Variants in SKOR2 observed in about 807,000 individuals in gnomAD.
SKOR2 encodes LBX1 corepressor 1-like protein.
In SKOR2, 47 loss-of-function variants were observed where a neutral mutation model predicts 69.1. That is an observed-to-expected ratio of 0.68 (90% confidence interval 0.54 to 0.87). SKOR2 has a LOEUF of 0.87. SKOR2 is among the 40% of genes least tolerant of loss of function. The probability of loss-of-function intolerance (pLI) is 0.00; values close to 1 mark genes in which losing one functional copy is unlikely to be tolerated. For synonymous variants in SKOR2, 717 were observed against 672.6 expected, an observed-to-expected ratio of 1.07 and a Z score of -1.02; for missense variants, 1,404 against 1,472.2, an observed-to-expected ratio of 0.95 and a Z score of 0.76.
intron 7 of SKOR2, among the ~76,000 whole-genome samples, chr18:47,215,867 C>T (rs2064142432): frequency 6.6e-6 from 1 of 152,108 alleles, no homozygotes; most frequent in Non-Finnish European, 1.5e-5. Flanking sequence ...CAACGTTCTC[C>T]AAGAACTATG....
intron 4 of SKOR2, among the ~76,000 whole-genome samples, chr18:47,234,267 G>T (rs2064211679): frequency 6.6e-6 from 1 of 151,576 alleles, no homozygotes; most frequent in Non-Finnish European, 1.5e-5. Context: ...AAAAAAAAAG[G>T]CAGTCTAATA....
chr18:47,232,431 T>A (rs568168254), intron 4 of SKOR2, among the ~76,000 whole-genome samples: 2 of 152,198 alleles, frequency 1.3e-5, no homozygotes, highest in Non-Finnish European at 2.9e-5. Context: ...CAATCAGAAT[T>A]TTTAAAAAAT....
In SKOR2 at chr18:47,247,438, A is replaced by G. The variant is rs994384374; in HGVS notation, c.1746T>C (p.Ala582=). The change falls in exon 2 of 9, where the codon GCT becomes GCC. Residue 582 remains alanine, a synonymous_variant. Transcript: ENST00000425639. The surrounding 1 kb of genome is among the most constrained non-coding windows in gnomAD (Gnocchi z 6.6). ...GSTPPADSVA[A]AGAGAAAAGS... ...CGGCGGCCGCGGCCCCTGCCCCGGC[A>G]GCTGCCACAGAGTCCGCGGGCGGCG... 28 of 1,273,108 alleles carry G rather than the reference A, an allele frequency of 2.2e-5. No homozygotes were observed. Among genetic ancestry groups the G allele is most frequent in the East Asian group, 6.4e-5 (2 of 31,128 alleles). The allele number at this position is 1,273,108 out of a possible 1,614,324, so 78.9% of individuals were successfully genotyped here. A position where few individuals can be genotyped will look rare whatever the true frequency, so the allele number is the denominator to read the frequency against.
intron 4 of SKOR2, among the ~76,000 whole-genome samples, chr18:47,237,673 C>T (rs958408966): frequency 6.6e-6 from 1 of 151,386 alleles, no homozygotes; most frequent in African/African-American, 2.4e-5. Context: ...CATTCTTTCT[C>T]CTCCCCACCA....
chr18:47,215,343 G>C (rs559619386), intron 7 of SKOR2, among the ~76,000 whole-genome samples: 8 of 152,036 alleles, frequency 5.3e-5, no homozygotes, highest in Non-Finnish European at 1.2e-4. Context: ...ATGCAAAATA[G>C]TAATGGTCCT....
chr18:47,226,137 G>C (rs1266964237), intron 6 of SKOR2, among the ~76,000 whole-genome samples: 1 of 151,990 alleles, frequency 6.6e-6, no homozygotes, highest in African/African-American at 2.4e-5. Flanking sequence ...GTTTTAAGAT[G>C]GCTAATGGGA....
chr18:47,249,149 A>G lies in SKOR2; in HGVS notation c.35T>C (p.Ile12Thr). ...GGCGCTCGACGGCGACGCCAGCAGG[A>G]TGTCGTTGGGCCCTGGCAGCGGACT... ...ASSPLPGPND[I>T]LLASPSSAFQ... Residue 12 changes from isoleucine (I) to threonine (T), a missense_variant, in exon 2 of 9, where the codon ATC becomes ACC. By Grantham distance (89) the Ile-to-Thr change is moderately conservative (BLOSUM62 -1). Transcript: ENST00000425639. 2 of 1,535,564 alleles carry G rather than the reference A, an allele frequency of 1.3e-6. No homozygotes were observed. Among genetic ancestry groups the G allele is most frequent in the Non-Finnish European group, 1.7e-6 (2 of 1,146,622 alleles).
chr18:47,247,636 T>C lies in SKOR2; in HGVS notation c.1548A>G (p.Pro516=). The C allele has an allele frequency of 8.9e-6, 12 of 1,345,340 alleles. No individual in the cohort carries two copies. The highest frequency in any genetic ancestry group is 1.1e-5 in the Non-Finnish European group (12 of 1,051,042). 83.3% of individuals were successfully genotyped at this position (1,345,340 alleles called of 1,614,324 possible). Residue 516 remains proline (P), a synonymous_variant, in exon 2 of 9, where the codon CCA becomes CCG. Transcript: ENST00000425639. This position sits in a 1 kb window ranked among gnomAD's most constrained non-coding sequence, Gnocchi z 6.6. ...LRQAFLDLAE[P]GGAAGSAEAA... ...CCTCGGCGCTCCCAGCAGCACCGCC[T>C]GGCTCAGCCAGGTCCAGGAAGGCCT... is the stretch of plus-strand genomic sequence containing the variant.
chr18:47,208,536 A>G (rs958969356), intron 8 of SKOR2, among the ~76,000 whole-genome samples: 17 of 152,216 alleles, frequency 1.1e-4, no homozygotes, highest in Admixed American at 9.8e-4. Flanking sequence ...TACATCAATG[A>G]TAACTGCAAA....
In SKOR2 at chr18:47,247,119, C is replaced by G. The variant is rs900798468; in HGVS notation, c.2065G>C (p.Glu689Gln). The G allele has an allele frequency of 8.1e-7, 1 of 1,227,340 alleles. No individual in the cohort carries two copies. The highest frequency in any genetic ancestry group is 1.0e-6 in the Non-Finnish European group (1 of 991,494). 76.0% of individuals were successfully genotyped at this position (1,227,340 alleles called of 1,614,324 possible). The part of the protein sequence containing the change: ...LPPQPDEPGS[E>Q]RHHPAPPPPP... ...GGCGGCGGGGCCGGGTGGTGGCGCT[C>G]GGAACCCGGCTCGTCGGGCTGCGGG... is the stretch of plus-strand genomic sequence containing the variant. Residue 689 changes from glutamate to glutamine, a missense_variant, in exon 2 of 9, where the codon GAG becomes CAG. Physicochemically the swap from Glu to Gln is conservative, Grantham distance 29. This residue lies in a region of SKOR2 where 1,266 missense variants were observed against 1,309.9 expected (regional missense o/e 0.97). Coordinates refer to ENST00000425639, the MANE Select transcript of SKOR2 (RefSeq NM_001278063.4). This position sits in a 1 kb window ranked among gnomAD's most constrained non-coding sequence, Gnocchi z 6.6.
intron 4 of SKOR2, chr18:47,231,243 C>G (rs2144496262): frequency 7.0e-7 from 1 of 1,421,398 alleles, no homozygotes; most frequent in Non-Finnish European, 9.5e-7. Flanking sequence ...AAAGCAGATT[C>G]TTGAAGTTAT....
intron 4 of SKOR2, among the ~76,000 whole-genome samples, chr18:47,241,650 C>G (rs2064249350): frequency 6.6e-6 from 1 of 151,856 alleles, no homozygotes; most frequent in Admixed American, 6.6e-5. Flanking sequence ...AAAAAAAAAC[C>G]CATAACGATG....
At chr18:47,214,184 C>T (rs573543313) in intron 7 of SKOR2, among the ~76,000 whole-genome samples, 29 of 152,268 alleles carry the variant, frequency 1.9e-4, no homozygotes, top group African/African-American at 6.7e-4. Flanking sequence ...GTAAACTGCT[C>T]AACCTAATCC....
In SKOR2 at chr18:47,248,053, C is replaced by A; in HGVS notation, c.1131G>T (p.Pro377=). The A allele has an allele frequency of 1.4e-6, 2 of 1,435,260 alleles. No individual in the cohort carries two copies. The highest frequency in any genetic ancestry group is 1.8e-6 in the Non-Finnish European group (2 of 1,095,152). The allele number at this position is 1,435,260 out of a possible 1,614,324, so 88.9% of individuals were successfully genotyped here. The stretch of plus-strand genomic sequence containing the variant: ...GCACCGGGATGACTGGGTAGCTGCG[C>A]GGGCCTTTGGCCCCTGCCCCGGCAC... ...GAGAGAGAKG[P]RSYPVIPVPS... is the part of the protein sequence containing the mutation. Residue 377 remains proline, a synonymous_variant, in exon 2 of 9, where the codon CCG becomes CCT. Transcript: ENST00000425639. This position sits in a 1 kb window ranked among gnomAD's most constrained non-coding sequence, Gnocchi z 6.4.
intron 7 of SKOR2, among the ~76,000 whole-genome samples, chr18:47,214,630 C>T (rs760124081): frequency 6.6e-6 from 1 of 152,076 alleles, no homozygotes; most frequent in African/African-American, 2.4e-5. Context: ...CACTTTATCC[C>T]CTCACATTTT....
chr18:47,235,738 G>A (rs550279761), intron 4 of SKOR2, among the ~76,000 whole-genome samples: 2 of 126,582 alleles, frequency 1.6e-5, no homozygotes, highest in South Asian at 2.6e-4. Context: ...GCAGTAAATA[G>A]CAAATGAGGA....
rs1436537505 is a variant in SKOR2, at chr18:47,247,285, C to A, written c.1899G>T (p.Ala633=). The part of the protein sequence containing the change: ...AFRPVGGKDD[A]ESLAKLHGAS... ...CCCCGTGCAGCTTGGCCAGGCTCTC[C>A]GCGTCGTCCTTGCCGCCCACTGGCC... The change falls in exon 2 of 9, where the codon GCG becomes GCT. Residue 633 remains alanine, a synonymous_variant. Transcript: ENST00000425639. This position sits in a 1 kb window ranked among gnomAD's most constrained non-coding sequence, Gnocchi z 6.6. 6.7e-7 allele frequency: 1 copy of A among 1,482,442 alleles called. No individual in the cohort carries two copies. The highest frequency in any genetic ancestry group is 8.9e-7 in the Non-Finnish European group (1 of 1,122,282). The allele number at this position is 1,482,442 out of a possible 1,614,324, so 91.8% of individuals were successfully genotyped here.
chr18:47,211,745 C>A (rs2064128508), intron 8 of SKOR2, among the ~76,000 whole-genome samples: 1 of 152,058 alleles, frequency 6.6e-6, no homozygotes, highest in Non-Finnish European at 1.5e-5. Flanking sequence ...GATGAGACAC[C>A]CTGAGGATGA....
Position 47,246,661 on chromosome 18 carries a change from C to T in SKOR2, c.2523G>A (p.Leu841=), listed in dbSNP as rs1435472912. 6.7e-7 allele frequency: 1 copy of T among 1,492,152 alleles called. No homozygotes were observed. The allele number at this position is 1,492,152 out of a possible 1,614,324, so 92.4% of individuals were successfully genotyped here. The change falls in exon 2 of 9, where the codon CTG becomes CTA. Residue 841 remains leucine (L), a synonymous_variant. Coordinates refer to ENST00000425639, the MANE Select transcript of SKOR2 (RefSeq NM_001278063.4). The part of the protein sequence containing the change: ...SDLPPPPPPP[L]APQKASGGGS... ...CGCCGCCACTCGCCTTCTGGGGGGC[C>T]AGGGGCGGCGGCGGGGGCGGGGGCA... is the stretch of plus-strand genomic sequence containing the variant.
Sources: gnomAD v4.1 joint callset for allele counts (sites outside exome capture counted in the v4.1 genomes callset) on GRCh38, gnomAD v4.1.1 for gene constraint, gnomAD v4.1.1 regional missense constraint, Gnocchi (gnomAD v3.1) non-coding constraint, MANE v1.5 for transcripts, NCBI Gene and HGNC (gene_info 2026-07-23, HGNC 2026-07-21) for gene names.